SYNDIG1L: variants seen among roughly 807,000 people sequenced by gnomAD.
The protein encoded by SYNDIG1L is synapse differentiation inducing 1 like.
SYNDIG1L carries 13 observed loss-of-function variants against 20.1 expected under a neutral mutation model. The ratio of observed to expected loss-of-function variants is 0.65; its 90% CI spans 0.42 to 1.03. SYNDIG1L has a LOEUF of 1.03. Among genes scored for constraint, SYNDIG1L ranks in the 50% least tolerant of loss-of-function variants. The probability of loss-of-function intolerance (pLI) is 0.00; values close to 1 mark genes in which losing one functional copy is unlikely to be tolerated. For synonymous variants in SYNDIG1L, 128 were observed against 129.3 expected (o/e 0.99, Z 0.07); for missense variants, 294 against 305.1 (o/e 0.96, Z 0.27).
chr14:74,424,993 G>T (rs1403036413), intron 1 of SYNDIG1L, among the ~76,000 whole-genome samples: 2 of 152,178 alleles, frequency 1.3e-5, no homozygotes, highest in African/African-American at 4.8e-5. Context: ...TACCCCTGGG[G>T]GTAGGGAAGT....
At chr14:74,447,403 A>G in the SYNDIG1L span, among the ~76,000 whole-genome samples, 1 of 152,160 alleles carries the variant, frequency 6.6e-6, no homozygotes, top group Non-Finnish European at 1.5e-5. Flanking sequence ...CCTGGCCAAC[A>G]TGGTGAAACC....
At chr14:74,427,523 C>T (rs1184538873), upstream of SYNDIG1L, among the ~76,000 whole-genome samples, 1 of 152,166 alleles carries the variant, frequency 6.6e-6, no homozygotes, top group African/African-American at 2.4e-5. Flanking sequence ...GCTTGGGTCT[C>T]CTTCCCTTCA....
At chr14:74,415,734 T>C (rs2086169239) in intron 1 of SYNDIG1L, among the ~76,000 whole-genome samples, 1 of 151,502 alleles carries the variant, frequency 6.6e-6, no homozygotes, top group Non-Finnish European at 1.5e-5. Context: ...AGAAACAGGG[T>C]TTTGCCATGT....
chr14:74,416,036 C>T (rs1352169542), intron 1 of SYNDIG1L, among the ~76,000 whole-genome samples: 8 of 151,980 alleles, frequency 5.3e-5, no homozygotes, highest in Admixed American at 2.0e-4. Context: ...AAAACTATAG[C>T]GACAGAAAGC....
At chr14:74,479,949 C>T in the SYNDIG1L span, 3 of 1,284,038 alleles carry the variant, frequency 2.3e-6, no homozygotes, top group South Asian at 3.1e-5. Context: ...ATGCAGAAGA[C>T]AAGACAAACG....
the SYNDIG1L span, among the ~76,000 whole-genome samples, chr14:74,459,148 C>T: frequency 3.3e-5 from 5 of 152,068 alleles, no homozygotes; most frequent in Non-Finnish European, 5.9e-5. Flanking sequence ...GGAGAGGGCA[C>T]GGTAGGGAAA....
the SYNDIG1L span, among the ~76,000 whole-genome samples, chr14:74,456,422 T>C: frequency 3.3e-5 from 5 of 152,032 alleles, no homozygotes; most frequent in South Asian, 1.0e-3. Context: ...CCCAGCTATA[T>C]AGGAGGCTGA....
chr14:74,460,195 C>G, the SYNDIG1L span, among the ~76,000 whole-genome samples: 2 of 152,146 alleles, frequency 1.3e-5, no homozygotes, highest in African/African-American at 4.8e-5. Flanking sequence ...AAGCCCTGCC[C>G]TGTCTCACCG....
intron 1 of SYNDIG1L, among the ~76,000 whole-genome samples, chr14:74,424,729 A>T (rs1025304094): frequency 6.6e-6 from 1 of 152,158 alleles, no homozygotes; most frequent in African/African-American, 2.4e-5. Context: ...TAATCAGGTC[A>T]CTGACAGCAG....
chr14:74,436,066 A>G, the SYNDIG1L span, among the ~76,000 whole-genome samples: 14 of 152,326 alleles, frequency 9.2e-5, no homozygotes, highest in Non-Finnish European at 1.5e-4. Context: ...CTGGGGATAC[A>G]AAGAGATATG....
At chr14:74,427,580 G>A (rs1045061531), upstream of SYNDIG1L, among the ~76,000 whole-genome samples, 2 of 152,146 alleles carry the variant, frequency 1.3e-5, no homozygotes, top group Non-Finnish European at 2.9e-5. Context: ...CTCAGGGCTG[G>A]TATTGGTGTT....
the SYNDIG1L span, among the ~76,000 whole-genome samples, chr14:74,470,837 C>T: frequency 6.6e-6 from 1 of 152,258 alleles, no homozygotes; most frequent in Admixed American, 6.5e-5. Context: ...CCTGCTTCTA[C>T]TGCCTGCCTC....
the SYNDIG1L span, among the ~76,000 whole-genome samples, chr14:74,478,111 CTT>C: frequency 1.3e-5 from 2 of 152,226 alleles, no homozygotes; most frequent in African/African-American, 4.8e-5. Context: ...TACTTATACT[CTT>C]TGTCTTTAGT....
the SYNDIG1L span, among the ~76,000 whole-genome samples, chr14:74,454,102 T>C: frequency 6.6e-6 from 1 of 152,178 alleles, no homozygotes; most frequent in Non-Finnish European, 1.5e-5. Flanking sequence ...AGTTAGAGAA[T>C]GGCAGAACTG....
chr14:74,446,127 G>T, the SYNDIG1L span, among the ~76,000 whole-genome samples: 1 of 151,946 alleles, frequency 6.6e-6, no homozygotes, highest in South Asian at 2.1e-4. Flanking sequence ...TTTAAAGAAC[G>T]AAAGAAGCAA....
chr14:74,431,236 C>A, the SYNDIG1L span, among the ~76,000 whole-genome samples: 1 of 151,354 alleles, frequency 6.6e-6, no homozygotes, highest in Non-Finnish European at 1.5e-5. Context: ...TTTGCATGTG[C>A]GTGTGTGTGT....
chr14:74,463,884 T>G, the SYNDIG1L span, among the ~76,000 whole-genome samples: 1 of 152,192 alleles, frequency 6.6e-6, no homozygotes, highest in East Asian at 1.9e-4. Flanking sequence ...GAAAGTAGGC[T>G]AGGTTTCTGC....
rs772701820 is a variant in SYNDIG1L at position 74,409,393 on chromosome 14, G to A, written c.352C>T (p.Gln118Ter). ...PGQAAENVTI[Q>*]TVSYGVQEEL... Reference sequence around the variant, plus strand: ...TCTTGTACCCCATAGGACACAGTCTGGATGGTGACATTCTCTGCAGCTTGG... The same window carrying A: ...TCTTGTACCCCATAGGACACAGTCTAGATGGTGACATTCTCTGCAGCTTGG... Residue 118 changes from glutamine to a stop codon, truncating the protein, a stop_gained, in exon 2 of 4, where the codon CAG becomes TAG. Transcript: ENST00000331628. LOFTEE classifies it high-confidence loss of function. 4 of 1,612,890 alleles carry A rather than the reference G, an allele frequency of 2.5e-6. No individual in the cohort carries two copies. The Admixed American group carries it at 6.7e-5, about 27-fold the overall frequency.
chr14:74,424,724 A>G (rs2139633026), intron 1 of SYNDIG1L, among the ~76,000 whole-genome samples: 1 of 152,260 alleles, frequency 6.6e-6, no homozygotes, highest in Non-Finnish European at 1.5e-5. Flanking sequence ...GACAATAATC[A>G]GGTCACTGAC....
Sources: allele counts gnomAD v4.1 joint callset (sites outside exome capture counted in the v4.1 genomes callset), GRCh38; gene constraint gnomAD v4.1.1; transcripts MANE v1.5; gene names NCBI Gene and HGNC (gene_info 2026-07-23, HGNC 2026-07-21).